The following THSD4 variants were observed in gnomAD, a reference collection of about 807,000 sequenced individuals.
THSD4 encodes thrombospondin type-1 domain-containing protein 4.
A neutral mutation model predicts 119.0 loss-of-function variants in THSD4; 69 were observed. The observed-to-expected ratio is 0.58, with a 90% CI of 0.48 to 0.71. THSD4 has a LOEUF of 0.71. Among genes scored for constraint, THSD4 ranks in the 30% least tolerant of loss-of-function variants. The pLI is 0.00. For missense variants in THSD4, 1,393 were observed against 1,391.1 expected (o/e 1.00, Z -0.02); for synonymous variants, 524 against 540.4 (o/e 0.97, Z 0.42).
intron 7 of THSD4, among the ~76,000 whole-genome samples, chr15:71,585,814 C>G (rs2049657331): frequency 2.0e-5 from 3 of 152,004 alleles, no homozygotes. Flanking sequence ...TAGATAATTT[C>G]AAATGACTTG....
chr15:71,622,875 T>C (rs943412419), intron 7 of THSD4, among the ~76,000 whole-genome samples: 1 of 151,974 alleles, frequency 6.6e-6, no homozygotes, highest in African/African-American at 2.4e-5. Context: ...TGGACCTAGA[T>C]TGAGGGGAGA....
chr15:71,112,583 G>A (rs896617267), upstream of THSD4, among the ~76,000 whole-genome samples: 13 of 152,306 alleles, frequency 8.5e-5, no homozygotes, highest in Non-Finnish European at 1.5e-4. Flanking sequence ...ATGCAAAGGG[G>A]TGACCCACCC....
At chr15:71,510,272 A>T (rs1242872943) in intron 7 of THSD4, among the ~76,000 whole-genome samples, 1 of 148,068 alleles carries the variant, frequency 6.8e-6, no homozygotes, top group Admixed American at 6.8e-5. Context: ...CCAGTGAATG[A>T]CAGCTGTTTG....
Position 71,675,067 on chromosome 15 carries a change from C to G in THSD4, c.1357+14333C>G, listed in dbSNP as rs148510932. Reference sequence around the variant, plus strand: ...TCAGCTCACTCTGAATCCTTAGCTTCCAATCCAATCCCCCTCCTTTGGTTT... The same window carrying G: ...TCAGCTCACTCTGAATCCTTAGCTTGCAATCCAATCCCCCTCCTTTGGTTT... On this transcript the variant is annotated intron_variant, in intron 8 of 17. Coordinates refer to ENST00000261862, the MANE Select transcript of THSD4 (RefSeq NM_024817.3). Among the ~76,000 whole-genome samples, 237 of 152,274 alleles carry G rather than the reference C, an allele frequency of 1.6e-3. 3 individuals are homozygous for G. Among genetic ancestry groups the G allele is most frequent in the African/African-American group, 5.3e-3 (220 of 41,546 alleles).
At chr15:71,521,774 G>GA (rs1264826395) in intron 7 of THSD4, among the ~76,000 whole-genome samples, 1 of 152,162 alleles carries the variant, frequency 6.6e-6, no homozygotes, top group East Asian at 1.9e-4. Flanking sequence ...GCTCCTTGGA[G>GA]AAAAAAGTTA....
At chr15:71,627,366 C>A (rs1221138852) in intron 7 of THSD4, among the ~76,000 whole-genome samples, 8 of 152,180 alleles carry the variant, frequency 5.3e-5, no homozygotes, top group African/African-American at 1.7e-4. Context: ...GGCTTTTGAT[C>A]AGTGACTTGA....
intron 6 of THSD4, among the ~76,000 whole-genome samples, chr15:71,261,753 A>C (rs984345920): frequency 7.2e-5 from 11 of 152,230 alleles, no homozygotes; most frequent in Non-Finnish European, 1.6e-4. Context: ...GAGATGTTGA[A>C]TCAACTAATT....
chr15:71,759,194 A>G (rs941710131), intron 15 of THSD4, among the ~76,000 whole-genome samples: 1 of 152,224 alleles, frequency 6.6e-6, no homozygotes, highest in African/African-American at 2.4e-5. Context: ...TAGAGTTTTT[A>G]TGCAAAAAGC....
At chr15:71,549,178 T>G (rs1285578736) in intron 7 of THSD4, among the ~76,000 whole-genome samples, 1 of 152,164 alleles carries the variant, frequency 6.6e-6, no homozygotes, top group Non-Finnish European at 1.5e-5. Context: ...AGGCAGAGGT[T>G]TTGTCTTATG....
intron 8 of THSD4, among the ~76,000 whole-genome samples, chr15:71,683,541 G>C (rs1479319887): frequency 6.6e-6 from 1 of 152,216 alleles, no homozygotes; most frequent in Non-Finnish European, 1.5e-5. Flanking sequence ...AGAGGAGAAT[G>C]AGTGCTGGCT....
intron 7 of THSD4, among the ~76,000 whole-genome samples, chr15:71,656,812 C>T (rs1293858076): frequency 6.6e-6 from 1 of 152,182 alleles, no homozygotes; most frequent in Non-Finnish European, 1.5e-5. Context: ...TCAGCAATCT[C>T]ACAGATGGCT....
chr15:71,347,905 G>A (rs1040055232), intron 6 of THSD4, among the ~76,000 whole-genome samples: 11 of 152,088 alleles, frequency 7.2e-5, no homozygotes, highest in Non-Finnish European at 1.5e-4. Context: ...AGTCCTTCAT[G>A]CTAACTAGCC....
chr15:71,157,853 A>G (rs1007928509), intron 3 of THSD4, among the ~76,000 whole-genome samples: 5 of 151,974 alleles, frequency 3.3e-5, no homozygotes, highest in Non-Finnish European at 1.5e-5. Context: ...CATTGTGTAT[A>G]TATACACCAC....
At chr15:71,205,670 T>C (rs1252647133) in intron 3 of THSD4, among the ~76,000 whole-genome samples, 1 of 152,208 alleles carries the variant, frequency 6.6e-6, no homozygotes, top group African/African-American at 2.4e-5. Flanking sequence ...CCGTCTTCCA[T>C]ACTGTGAGGT....
At chr15:71,266,609 GTT>G (rs879696827) in intron 6 of THSD4, among the ~76,000 whole-genome samples, 1 of 151,882 alleles carries the variant, frequency 6.6e-6, no homozygotes, top group African/African-American at 2.4e-5. Context: ...CAGAGAATGA[GTT>G]TGATGAATTG....
chr15:71,328,655 C>A (rs1596340184), intron 6 of THSD4, among the ~76,000 whole-genome samples: 1 of 152,144 alleles, frequency 6.6e-6, no homozygotes, highest in South Asian at 2.1e-4. Flanking sequence ...GACTCTGAAC[C>A]TTGGAAAAAG....
chr15:71,580,362 C>G (rs1410482248), intron 7 of THSD4, among the ~76,000 whole-genome samples: 3 of 152,084 alleles, frequency 2.0e-5, no homozygotes, highest in Non-Finnish European at 4.4e-5. Flanking sequence ...ATATAATTGA[C>G]AAATGATAAT....
chr15:71,267,238 G>A (rs2044474978), intron 6 of THSD4, among the ~76,000 whole-genome samples: 1 of 152,246 alleles, frequency 6.6e-6, no homozygotes, highest in African/African-American at 2.4e-5. Context: ...ACAAAGGGAA[G>A]CCCATCAGGC....
intron 1 of THSD4, among the ~76,000 whole-genome samples, chr15:71,133,718 A>T (rs916652439): frequency 6.6e-6 from 1 of 152,222 alleles, no homozygotes; most frequent in Non-Finnish European, 1.5e-5. Context: ...AAGCAACTTT[A>T]TACAGAAGCA....
Sources: allele counts gnomAD v4.1 joint callset (sites outside exome capture counted in the v4.1 genomes callset), GRCh38; gene constraint gnomAD v4.1.1; transcripts MANE v1.5; gene names NCBI Gene and HGNC (gene_info 2026-07-23, HGNC 2026-07-21).